The following KRT222 variants were observed in gnomAD, a reference collection of about 807,000 sequenced individuals.
The protein encoded by KRT222 is keratin-like protein KRT222.
Under a neutral mutation model 35.0 loss-of-function variants are expected in KRT222, and 23 were observed. That is an observed-to-expected ratio of 0.66 (90% confidence interval 0.47 to 0.93). The LOEUF (loss-of-function observed/expected upper bound fraction) is 0.93. Among genes scored for constraint, KRT222 ranks in the 40% least tolerant of loss-of-function variants. The probability of loss-of-function intolerance (pLI) is 0.00; values close to 1 mark genes in which losing one functional copy is unlikely to be tolerated. For missense variants in KRT222, 339 were observed against 346.3 expected, an observed-to-expected ratio of 0.98 and a Z score of 0.17; for synonymous variants, 108 against 118.8, an observed-to-expected ratio of 0.91 and a Z score of 0.59.
rs925902236 is a variant in KRT222, at chr17:40,665,162, T to G, written c.-63A>C. ...TCGATAGGATGAGTCGCTGCGGCAG[T>G]CTGCTCGGTCTGCGCGGAAGGCAGG... On this transcript the variant is annotated 5_prime_UTR_variant, in exon 1 of 6. Coordinates refer to ENST00000394052, the MANE Select transcript of KRT222 (RefSeq NM_152349.3). The G allele has an allele frequency of 2.0e-6, 3 of 1,467,294 alleles. No individual in the cohort carries two copies. Among genetic ancestry groups the G allele is most frequent in the Non-Finnish European group, 1.9e-6 (2 of 1,050,858 alleles). 90.9% of individuals were successfully genotyped at this position (1,467,294 alleles called of 1,614,324 possible).
chr17:40,660,257 C>G (rs1401643365), intron 2 of KRT222, 50 bp from the exon 3 acceptor site: 2 of 1,414,754 alleles, frequency 1.4e-6, no homozygotes, highest in Non-Finnish European at 2.0e-6. Context: ...GAATGTGTTT[C>G]TGAAATCTGA....
At chr17:40,659,328 GTATTAT>G (rs1220396079) in intron 3 of KRT222, among the ~76,000 whole-genome samples, 2 of 151,380 alleles carry the variant, frequency 1.3e-5, no homozygotes, top group African/African-American at 4.9e-5. Flanking sequence ...GCTAATTTTT[GTATTAT>G]TATTATTGTT....
rs1302386793 is a variant in KRT222 at position 40,657,651 on chromosome 17, GTTTA to G, written c.523+19_523+22del. On this transcript the variant is annotated intron_variant, in intron 4 of 5. Coordinates refer to ENST00000394052, the MANE Select transcript of KRT222 (RefSeq NM_152349.3). Reference sequence around the variant, plus strand: ...AAATAGTACATCACTTTTCAAATGAGTTTATTTATGTCAGAAACTCACCTGATGG... The same window carrying G: ...AAATAGTACATCACTTTTCAAATGAGTTTATGTCAGAAACTCACCTGATGG... The G allele has an allele frequency of 1.3e-6, 2 of 1,595,416 alleles. No homozygotes were observed. The highest frequency in any genetic ancestry group is 1.7e-6 in the Non-Finnish European group (2 of 1,165,544).
chr17:40,661,220 A>C (rs958762762), intron 2 of KRT222, among the ~76,000 whole-genome samples: 2 of 151,044 alleles, frequency 1.3e-5, no homozygotes, highest in Non-Finnish European at 2.9e-5. Flanking sequence ...GGCGTGAGCA[A>C]CTGTGCCTTG....
chr17:40,656,937 G>T (rs2037348940), intron 5 of KRT222, among the ~76,000 whole-genome samples: 1 of 152,056 alleles, frequency 6.6e-6, no homozygotes, highest in Non-Finnish European at 1.5e-5. Context: ...GGCTGGGTGT[G>T]GTGGCTCATG....
At position 40,654,959 on chromosome 17, in the gene KRT222, C is replaced by G. The variant is rs2037334072; in HGVS notation, c.*1443G>C. 6.8e-6 allele frequency: 1 copy of G among 147,140 alleles called. No homozygotes were observed. Among genetic ancestry groups the G allele is most frequent in the African/African-American group, 2.5e-5 (1 of 40,278 alleles). 9.1% of individuals were successfully genotyped at this position (147,140 alleles called of 1,614,324 possible). ...GAAAGAAAATTAAAAATTTTATATC[C>G]CTGTATTATGTTAAAGATTATTTAA... On this transcript the variant is annotated 3_prime_UTR_variant, in exon 6 of 6. Transcript: ENST00000394052.
At chr17:40,664,840 T>C in intron 1 of KRT222, 164 bp downstream of exon 1, 2 of 1,148,410 alleles carry the variant, frequency 1.7e-6, no homozygotes, top group East Asian at 2.5e-5. Context: ...TCACAGTATT[T>C]CCCCCTGTAG....
At chr17:40,657,871 T>C in intron 3 of KRT222, 121 bp from the exon 4 acceptor site, 3 of 652,390 alleles carry the variant, frequency 4.6e-6, no homozygotes, top group Admixed American at 2.7e-5. Context: ...TGAAAAGAAA[T>C]GAACTAAGGC....
Position 40,661,993 on chromosome 17 carries a change from C to T in KRT222, c.148G>A (p.Ala50Thr), listed in dbSNP as rs2037387011. The change falls in exon 2 of 6, where the codon GCA (alanine) becomes ACA (threonine). Residue 50 changes from alanine (A) to threonine (T), a missense_variant. Physicochemically the swap from Ala to Thr is moderately conservative, Grantham distance 58. Coordinates refer to ENST00000394052, the MANE Select transcript of KRT222 (RefSeq NM_152349.3). ...KMDKDEEALK[A>T]AQAELKEARR... is the part of the protein sequence containing the mutation. ...GCCTCCTTGAGTTCTGCTTGAGCTG[C>T]CTTCAAAGCCTCTTCATCTTTGTCC... The T allele has an allele frequency of 2.5e-6, 4 of 1,614,152 alleles. No homozygotes were observed. Among genetic ancestry groups the T allele is most frequent in the East Asian group, 4.5e-5 (2 of 44,880 alleles).
At position 40,662,446 on chromosome 17, in the gene KRT222, G is replaced by A. The variant is rs1045446465; in HGVS notation, c.97-402C>T. 3.3e-5 allele frequency among the ~76,000 whole-genome samples: 5 copies of A among 152,286 alleles called. No individual in the cohort carries two copies. The East Asian group carries it at 7.7e-4, about 23-fold the overall frequency. ...ACATTTTCTTGTAGGCTGCTTTGCA[G>A]AAGCAGATAAACAGCCGTACCCCCA... On this transcript the variant is annotated intron_variant, in intron 1 of 5. Transcript: ENST00000394052.
chr17:40,662,956 T>A (rs6503547), intron 1 of KRT222, among the ~76,000 whole-genome samples: 108,044 of 151,710 alleles, frequency 0.71, 38,935 homozygotes, highest in African/African-American at 0.83. Context: ...TAGATTTTTT[T>A]AAAAAAACGT....
At chr17:40,660,283 T>C in intron 2 of KRT222, 76 bp from the exon 3 acceptor site, 2 of 1,158,676 alleles carry the variant, frequency 1.7e-6, no homozygotes, top group South Asian at 1.4e-5. Flanking sequence ...AATATCTTCA[T>C]CTTTTTTTTT....
rs2037339200 is a variant in KRT222 at position 40,655,670 on chromosome 17, A to G, written c.*732T>C. 1 of 151,980 alleles carries G rather than the reference A, an allele frequency of 6.6e-6. No homozygotes were observed. The highest frequency in any genetic ancestry group is 1.5e-5 in the Non-Finnish European group (1 of 67,934). 9.4% of individuals were successfully genotyped at this position (151,980 alleles called of 1,614,324 possible). A position where few individuals can be genotyped will look rare whatever the true frequency, so the allele number is the denominator to read the frequency against. On this transcript the variant is annotated 3_prime_UTR_variant, in exon 6 of 6. Transcript: ENST00000394052. Reference sequence around the variant, plus strand: ...TTTTTTTCTTTTTTTGGTGGGGGATACAACCTTTAAAGTTCCTTGAGTAAA... The same window carrying G: ...TTTTTTTCTTTTTTTGGTGGGGGATGCAACCTTTAAAGTTCCTTGAGTAAA...
chr17:40,664,955 T>C (rs759998083), intron 1 of KRT222, 49 bp downstream of exon 1: 1 of 1,612,646 alleles, frequency 6.2e-7, no homozygotes, highest in Admixed American at 1.7e-5. Flanking sequence ...TGGGTAGACA[T>C]GGACTGTCTC....
At chr17:40,656,765 C>A in intron 5 of KRT222, 135 bp from the exon 6 acceptor site, 2 of 537,430 alleles carry the variant, frequency 3.7e-6, no homozygotes, top group Non-Finnish European at 6.5e-6. Flanking sequence ...AATGTACATA[C>A]TTTAAAAATC....
chr17:40,665,095 T>G lies in KRT222; in HGVS notation c.5A>C (p.Glu2Ala). Reference sequence around the variant, plus strand: ...GATCTCATTGAGTAGCTGGGACAGTTCCATTCTTTTCCCATCCTCCACCTT... The same window carrying G: ...GATCTCATTGAGTAGCTGGGACAGTGCCATTCTTTTCCCATCCTCCACCTT... M[E>A]LSQLLNEIRA... Residue 2 changes from glutamate (E) to alanine (A), a missense_variant, in exon 1 of 6, where the codon GAA becomes GCA. Glu to Ala is a moderately radical substitution (Grantham distance 107, BLOSUM62 -1). Coordinates refer to ENST00000394052, the MANE Select transcript of KRT222 (RefSeq NM_152349.3). 1 of 1,613,792 alleles carries G rather than the reference T, an allele frequency of 6.2e-7. No homozygotes were observed. Among genetic ancestry groups the G allele is most frequent in the South Asian group, 1.1e-5 (1 of 91,074 alleles).
At chr17:40,662,117 G>A (rs1192786690) in intron 1 of KRT222, 73 bp from the exon 2 acceptor site, 3 of 1,559,962 alleles carry the variant, frequency 1.9e-6, no homozygotes, top group Non-Finnish European at 2.6e-6. Flanking sequence ...ATGTGTAAAA[G>A]CAATTATAGA....
chr17:40,659,860 A>G (rs1227606434), intron 3 of KRT222, 127 bp downstream of exon 3: 3 of 769,730 alleles, frequency 3.9e-6, no homozygotes, highest in South Asian at 3.3e-5. Context: ...ACCTTATTGT[A>G]TGGGCTCAGT....
Position 40,665,066 on chromosome 17 carries a change from C to T in KRT222, c.34G>A (p.Ala12Thr). 6.2e-7 allele frequency: 1 copy of T among 1,614,020 alleles called. No individual in the cohort carries two copies. Among genetic ancestry groups the T allele is most frequent in the South Asian group, 1.1e-5 (1 of 91,078 alleles). Residue 12 changes from alanine to threonine, a missense_variant, in exon 1 of 6, where the codon GCA becomes ACA. Ala to Thr is a moderately conservative substitution (Grantham distance 58, BLOSUM62 0). Transcript: ENST00000394052. ...ELSQLLNEIRANYEKILTRNQ... is the reference protein window; with the variant it reads ...ELSQLLNEIRTNYEKILTRNQ... ...CTGGTGAGGATCTTTTCATAGTTTG[C>T]CCTGATCTCATTGAGTAGCTGGGAC...
Sources: gnomAD v4.1 joint callset for allele counts (sites outside exome capture counted in the v4.1 genomes callset) on GRCh38, gnomAD v4.1.1 for gene constraint, MANE v1.5 for transcripts, NCBI Gene and HGNC (gene_info 2026-07-23, HGNC 2026-07-21) for gene names.